PMM2: variants seen among roughly 807,000 people sequenced by gnomAD.
PMM2 encodes the protein mannose-6-phosphate isomerase.
Under a neutral mutation model 33.2 loss-of-function variants are expected in PMM2, and 35 were observed. That is an observed-to-expected ratio of 1.06 (90% CI 0.81 to 1.40). The LOEUF is 1.40. PMM2 is among the 40% of genes most tolerant of loss of function. The probability of loss-of-function intolerance (pLI) is 0.00; values close to 1 mark genes in which losing one functional copy is unlikely to be tolerated. For missense variants in PMM2, 386 were observed against 306.0 expected (o/e 1.26, Z -1.95); for synonymous variants, 153 against 114.7 (o/e 1.33, Z -2.13).
chr16:8,840,265 C>T (rs1247093826), intron 7 of PMM2, among the ~76,000 whole-genome samples: 3 of 151,330 alleles, frequency 2.0e-5, no homozygotes, highest in South Asian at 2.1e-4. Context: ...AGAACTTCAT[C>T]AGGGTGGAAA....
chr16:8,801,608 G>A (rs2060616741), intron 1 of PMM2, among the ~76,000 whole-genome samples, 191 bp from the exon 2 acceptor site: 1 of 152,124 alleles, frequency 6.6e-6, no homozygotes, highest in Non-Finnish European at 1.5e-5. Flanking sequence ...GGAGGTCGAG[G>A]CTGCGATGAG....
At chr16:8,847,216 T>A (rs1049596378) in intron 7 of PMM2, among the ~76,000 whole-genome samples, 2 of 152,112 alleles carry the variant, frequency 1.3e-5, no homozygotes, top group African/African-American at 4.8e-5. Context: ...TCCATTGCAT[T>A]GGCCACGTTT....
rs900128282 is a variant in PMM2, at chr16:8,848,924, A to T, written c.*1099A>T. The T allele has an allele frequency of 1.3e-5, 2 of 152,264 alleles. No individual in the cohort carries two copies. The highest frequency in any genetic ancestry group is 4.8e-5 in the African/African-American group (2 of 41,448). The allele number at this position is 152,264 out of a possible 1,614,324, so 9.4% of individuals were successfully genotyped here. A position where few individuals can be genotyped will look rare whatever the true frequency, so the allele number is the denominator to read the frequency against. On this transcript the variant is annotated 3_prime_UTR_variant, in exon 8 of 8. Coordinates refer to ENST00000268261, the MANE Select transcript of PMM2 (RefSeq NM_000303.3). The stretch of plus-strand genomic sequence containing the variant: ...TGGAAGGATCCCGGGTCTCAGCTAG[A>T]ACACGGTGGAAGAGAACTTTCCTAG...
At chr16:8,846,131 C>G (rs1004992115) in intron 7 of PMM2, among the ~76,000 whole-genome samples, 4 of 152,184 alleles carry the variant, frequency 2.6e-5, no homozygotes, top group African/African-American at 9.7e-5. Flanking sequence ...GCCTCCTAAC[C>G]TGACTCCACC....
intron 7 of PMM2, among the ~76,000 whole-genome samples, chr16:8,845,113 G>C (rs2141049192): frequency 6.6e-6 from 1 of 152,348 alleles, no homozygotes; most frequent in African/African-American, 2.4e-5. Flanking sequence ...CAGGCGGGCT[G>C]AGTCCGAAAA....
intron 1 of PMM2, 33 bp downstream of exon 1, chr16:8,797,981 A>G (rs763487454): frequency 6.4e-7 from 1 of 1,571,270 alleles, no homozygotes; most frequent in Non-Finnish European, 8.6e-7. Flanking sequence ...CTGGCAGCCG[A>G]CGCGGAGCCC....
At chr16:8,835,320 G>T (rs1165728657) in intron 7 of PMM2, among the ~76,000 whole-genome samples, 2 of 152,092 alleles carry the variant, frequency 1.3e-5, no homozygotes, top group Middle Eastern at 3.4e-3. Context: ...GTTTTTATGA[G>T]AATTATGCCG....
intron 7 of PMM2, among the ~76,000 whole-genome samples, chr16:8,839,101 G>A (rs546386382): frequency 9.9e-5 from 15 of 152,088 alleles, no homozygotes; most frequent in African/African-American, 3.1e-4. Context: ...GAGAGCAATA[G>A]TGGAGGCAGA....
chr16:8,800,664 CCTTT>C (rs1476855637), intron 1 of PMM2, among the ~76,000 whole-genome samples: 2 of 46,866 alleles, frequency 4.3e-5, no homozygotes, highest in Non-Finnish European at 4.8e-5. Context: ...CTAAGCTTCT[CCTTT>C]TTTTTTTTTT....
intron 4 of PMM2, chr16:8,808,695 A>G (rs2060659981): frequency 6.6e-6 from 1 of 152,230 alleles, no homozygotes; most frequent in African/African-American, 2.4e-5. Context: ...GGAAATGAGA[A>G]GAAGAATATG....
At chr16:8,840,375 G>A (rs1009984937) in intron 7 of PMM2, among the ~76,000 whole-genome samples, 1 of 151,972 alleles carries the variant, frequency 6.6e-6, no homozygotes, top group Non-Finnish European at 1.5e-5. Context: ...AGCTGTGATG[G>A]CTTGAAGAAA....
At chr16:8,847,448 G>A (rs1444421437) in intron 7 of PMM2, among the ~76,000 whole-genome samples, 1 of 150,734 alleles carries the variant, frequency 6.6e-6, no homozygotes, top group Non-Finnish European at 1.5e-5. Flanking sequence ...AGAAAAATAA[G>A]CCTTAGACAG....
chr16:8,847,736 C>A lies in PMM2; in HGVS notation c.652C>A (p.His218Asn), dbSNP rs398123310. 1.2e-6 allele frequency: 2 copies of A among 1,613,142 alleles called. No individual in the cohort carries two copies. The highest frequency in any genetic ancestry group is 1.7e-6 in the Non-Finnish European group (2 of 1,179,352). ...CGTGTCTTTCCAGGGTGGCAATGAC[C>A]ATGAGATCTTCACAGACCCCAGAAC... The part of the protein sequence containing the change: ...GDKTMPGGND[H>N]EIFTDPRTMG... The change falls in exon 8 of 8, where the codon CAT becomes AAT. Residue 218 changes from histidine (H) to asparagine (N), a missense_variant. His to Asn is a moderately conservative substitution (Grantham distance 68). Transcript: ENST00000268261.
rs183274000 is a variant in PMM2 at position 8,838,573 on chromosome 16, G to A, written c.640-9151G>A. On this transcript the variant is annotated intron_variant, in intron 7 of 7. Coordinates refer to ENST00000268261, the MANE Select transcript of PMM2 (RefSeq NM_000303.3). ...GTGGGAGAGATTAAGCTGAAGGGAG[G>A]TCTTGTGGTAAGGGGTGATATTGTG... Among the ~76,000 whole-genome samples the A allele has an allele frequency of 2.2e-3, 339 of 152,022 alleles. 3 individuals carry two copies. The highest frequency in any genetic ancestry group is 7.7e-3 in the African/African-American group (320 of 41,506).
At chr16:8,835,502 A>C (rs1336260829) in intron 7 of PMM2, among the ~76,000 whole-genome samples, 1 of 152,016 alleles carries the variant, frequency 6.6e-6, no homozygotes, top group Non-Finnish European at 1.5e-5. Flanking sequence ...ATAGTAAAGA[A>C]AGCATGTTTG....
intron 1 of PMM2, among the ~76,000 whole-genome samples, chr16:8,799,871 A>T (rs1342811542): frequency 6.6e-6 from 1 of 152,188 alleles, no homozygotes; most frequent in Non-Finnish European, 1.5e-5. Flanking sequence ...CTCCAATTCT[A>T]GATTCTGTCT....
At chr16:8,819,916 C>T (rs2060728352) in intron 7 of PMM2, among the ~76,000 whole-genome samples, 1 of 152,304 alleles carries the variant, frequency 6.6e-6, no homozygotes, top group East Asian at 1.9e-4. Context: ...CTGAAAGCCT[C>T]GCCTCTGTCA....
chr16:8,805,160 C>T (rs948894668), intron 3 of PMM2, among the ~76,000 whole-genome samples: 1 of 152,198 alleles, frequency 6.6e-6, no homozygotes, highest in Non-Finnish European at 1.5e-5. Flanking sequence ...CTCCGCCTCC[C>T]TGGTTCAAAC....
intron 2 of PMM2, among the ~76,000 whole-genome samples, chr16:8,804,035 T>TTTGTTTG (rs1555449104): frequency 2.3e-5 from 2 of 88,716 alleles, no homozygotes; most frequent in African/African-American, 8.5e-5. Context: ...TTTTTTGTTT[T>TTTGTTTG]TTTTTTTTTT....
Sources: gnomAD v4.1 joint callset for allele counts (sites outside exome capture counted in the v4.1 genomes callset) on GRCh38, gnomAD v4.1.1 for gene constraint, MANE v1.5 for transcripts, NCBI Gene and HGNC (gene_info 2026-07-23, HGNC 2026-07-21) for gene names.